The following LRP1B variants were observed in gnomAD, a reference collection of about 807,000 sequenced individuals.
LRP1B encodes LDL receptor related protein 1B, also known as low-density lipoprotein receptor-related protein 1B.
In LRP1B, 217 loss-of-function variants were observed where a neutral mutation model predicts 556.6. The observed-to-expected ratio is 0.39, with a 90% CI of 0.35 to 0.44. The LOEUF (loss-of-function observed/expected upper bound fraction) is 0.44, where lower values mean the gene tolerates loss of function less well. LRP1B is among the 20% of genes least tolerant of loss of function. The pLI, the probability that LRP1B is intolerant of heterozygous loss-of-function variation, is 1.00. For missense variants in LRP1B, 5,053 were observed against 5,620.8 expected, an observed-to-expected ratio of 0.90 and a Z score of 3.23; for synonymous variants, 2,047 against 1,865.8, an observed-to-expected ratio of 1.10 and a Z score of -2.50.
intron 66 of LRP1B, among the ~76,000 whole-genome samples, chr2:140,409,956 T>A (rs994210510): frequency 1.1e-4 from 16 of 152,170 alleles, no homozygotes; most frequent in African/African-American, 3.9e-4. Context: ...ATTGTATACA[T>A]GTCAAGAGTT....
chr2:140,802,757 C>T lies in LRP1B; in HGVS notation c.5359+10900G>A, dbSNP rs7592338. ...TCATTTTATTACAGTCAGGGCATTA[C>T]ATTTTATTTGTTACTTAAAAAAGGG... On this transcript the variant is annotated intron_variant, in intron 32 of 90. Coordinates refer to ENST00000389484, the MANE Select transcript of LRP1B (RefSeq NM_018557.3). Among the ~76,000 whole-genome samples, 1,054 of 152,208 alleles carry T rather than the reference C, an allele frequency of 6.9e-3. 12 individuals are homozygous for T. Among genetic ancestry groups the T allele is most frequent in the African/African-American group, 0.023 (967 of 41,530 alleles).
chr2:140,935,825 C>T (rs1011705631), intron 20 of LRP1B, among the ~76,000 whole-genome samples: 1 of 151,910 alleles, frequency 6.6e-6, no homozygotes, highest in Non-Finnish European at 1.5e-5. Context: ...TCATTGGAAG[C>T]TTGGATGGCA....
At chr2:142,105,918 T>C (rs1049453609) in intron 1 of LRP1B, among the ~76,000 whole-genome samples, 48 of 152,192 alleles carry the variant, frequency 3.2e-4, no homozygotes, top group African/African-American at 8.9e-4. Flanking sequence ...TTTCTAAAAG[T>C]ACTTAGGTTT....
intron 68 of LRP1B, among the ~76,000 whole-genome samples, chr2:140,377,960 G>C (rs902323492): frequency 5.9e-5 from 9 of 152,166 alleles, no homozygotes; most frequent in African/African-American, 2.2e-4. Context: ...TTCACCAGTT[G>C]AGGTAAAACA....
intron 51 of LRP1B, among the ~76,000 whole-genome samples, chr2:140,513,852 A>T (rs1011499746): frequency 1.3e-5 from 2 of 152,022 alleles, no homozygotes; most frequent in African/African-American, 4.8e-5. Context: ...CCAAAGGCTG[A>T]TGTAATGAGT....
chr2:140,625,484 A>G (rs1290493245), intron 41 of LRP1B, among the ~76,000 whole-genome samples: 2 of 152,170 alleles, frequency 1.3e-5, no homozygotes, highest in Admixed American at 6.5e-5. Flanking sequence ...ACATGCATCT[A>G]ATGAAGAACT....
chr2:141,349,046 A>G (rs1480902695), intron 3 of LRP1B, among the ~76,000 whole-genome samples: 1 of 151,984 alleles, frequency 6.6e-6, no homozygotes, highest in Non-Finnish European at 1.5e-5. Flanking sequence ...TTTTTCTTGT[A>G]TAAATTACCC....
intron 7 of LRP1B, among the ~76,000 whole-genome samples, chr2:141,088,529 C>G (rs534511847): frequency 6.6e-6 from 1 of 152,218 alleles, no homozygotes; most frequent in African/African-American, 2.4e-5. Context: ...AGCTAAAAAT[C>G]TTTTGTGTGT....
chr2:140,676,787 G>C (rs1685685858), intron 41 of LRP1B, among the ~76,000 whole-genome samples: 1 of 151,954 alleles, frequency 6.6e-6, no homozygotes, highest in Admixed American at 6.6e-5. Flanking sequence ...ATTTCTTTTT[G>C]CTTGTAAAGA....
intron 1 of LRP1B, among the ~76,000 whole-genome samples, chr2:142,033,022 T>C (rs1314517862): frequency 6.6e-6 from 1 of 151,842 alleles, no homozygotes; most frequent in Non-Finnish European, 1.5e-5. Context: ...ACTTTAGTTT[T>C]TTTCTACGCC....
chr2:141,972,456 T>C (rs868267893), intron 1 of LRP1B, among the ~76,000 whole-genome samples: 4 of 151,582 alleles, frequency 2.6e-5, no homozygotes, highest in South Asian at 4.1e-4. Context: ...GTTTCTAATA[T>C]ATACCAAGGA....
intron 49 of LRP1B, among the ~76,000 whole-genome samples, chr2:140,520,204 C>G (rs896538925): frequency 6.6e-6 from 1 of 152,116 alleles, no homozygotes; most frequent in Admixed American, 6.6e-5. Flanking sequence ...TTGTAACCAA[C>G]CCAAATGTCC....
At chr2:140,665,327 T>A (rs1318851336) in intron 41 of LRP1B, among the ~76,000 whole-genome samples, 1 of 152,216 alleles carries the variant, frequency 6.6e-6, no homozygotes, top group Admixed American at 6.5e-5. Flanking sequence ...GGAGGAACTC[T>A]ATTTCAAAGA....
intron 3 of LRP1B, among the ~76,000 whole-genome samples, chr2:141,407,329 A>G (rs1187494986): frequency 1.3e-5 from 2 of 152,264 alleles, no homozygotes; most frequent in East Asian, 1.9e-4. Flanking sequence ...GCCTTTCCAC[A>G]TGTGATCCTC....
intron 20 of LRP1B, among the ~76,000 whole-genome samples, chr2:140,949,707 GAGGCAGGCAGATCACGAAGTC>G (rs1464423069): frequency 6.6e-6 from 1 of 151,826 alleles, no homozygotes; most frequent in Non-Finnish European, 1.5e-5. Context: ...TTGGAAGGCC[GAGGCAGGCAGATCACGAAGTC>G]AGGAGATCGA....
At chr2:140,741,800 C>T (rs542835946) in intron 35 of LRP1B, among the ~76,000 whole-genome samples, 21 of 152,022 alleles carry the variant, frequency 1.4e-4, no homozygotes, top group African/African-American at 4.8e-4. Context: ...CTATTGTTTC[C>T]TTCTTTGTAT....
chr2:141,845,180 T>C (rs1420686270), intron 1 of LRP1B, among the ~76,000 whole-genome samples: 2 of 151,828 alleles, frequency 1.3e-5, no homozygotes, highest in Non-Finnish European at 2.9e-5. Context: ...TTCAAGGTTA[T>C]TTTTTAGATA....
intron 43 of LRP1B, among the ~76,000 whole-genome samples, chr2:140,556,169 C>G (rs1235859109): frequency 1.3e-5 from 2 of 152,176 alleles, no homozygotes; most frequent in East Asian, 3.9e-4. Context: ...ACAGCAGAAG[C>G]AGGAAGGCAA....
chr2:141,087,682 C>A (rs3856356), intron 7 of LRP1B, among the ~76,000 whole-genome samples: 2 of 151,930 alleles, frequency 1.3e-5, no homozygotes, highest in African/African-American at 4.8e-5. Flanking sequence ...TTCCTAACAT[C>A]TGCTAGAGGA....
Sources: allele counts gnomAD v4.1 joint callset (sites outside exome capture counted in the v4.1 genomes callset), GRCh38; gene constraint gnomAD v4.1.1; transcripts MANE v1.5; gene names NCBI Gene and HGNC (gene_info 2026-07-23, HGNC 2026-07-21).